Variants in EOGT observed in about 807,000 individuals in gnomAD.
EOGT encodes the protein EGF domain specific O-linked N-acetylglucosamine transferase.
A neutral mutation model predicts 70.5 loss-of-function variants in EOGT; 55 were observed. That is an observed-to-expected ratio of 0.78 (90% confidence interval 0.63 to 0.98). The LOEUF is 0.98. Ranked by LOEUF, EOGT falls within the 50% of genes least tolerant of loss-of-function variation. The probability of loss-of-function intolerance (pLI) is 0.00; values close to 1 mark genes in which losing one functional copy is unlikely to be tolerated. For missense variants in EOGT, 703 were observed against 641.9 expected (o/e 1.10, Z -1.03); for synonymous variants, 246 against 217.1 (o/e 1.13, Z -1.17).
At chr3:69,009,934 A>ACC in intron 3 of EOGT, 74 bp from the exon 4 acceptor site, 1 of 377,036 alleles carries the variant, frequency 2.7e-6, no homozygotes. Flanking sequence ...CAACAACAAC[A>ACC]AAAAAAAAAA....
chr3:69,007,964 G>A (rs1468990238), intron 5 of EOGT, 143 bp from the exon 6 acceptor site: 6 of 563,334 alleles, frequency 1.1e-5, no homozygotes, highest in East Asian at 3.2e-5. Flanking sequence ...CCAAAACTAC[G>A]CCTCACTACA....
Position 69,009,731 on chromosome 3 carries a change from C to T in EOGT, c.116G>A (p.Ser39Asn). 1 of 1,614,066 alleles carries T rather than the reference C, an allele frequency of 6.2e-7. No individual in the cohort carries two copies. Among genetic ancestry groups the T allele is most frequent in the Non-Finnish European group, 8.5e-7 (1 of 1,180,014 alleles). Residue 39 changes from serine to asparagine, a missense_variant, in exon 4 of 18, where the codon AGC (serine) becomes AAC (asparagine). Ser to Asn is a conservative substitution (Grantham distance 46). Coordinates refer to ENST00000383701, the MANE Select transcript of EOGT (RefSeq NM_001278689.2). ...IPGEPLYNYA[S>N]IRLPEEHIPF... ...AATGTGCTCCTCTGGCAAGCGGATG[C>T]TGGCATAGTTATACAGAGGTTCGCC...
At chr3:68,978,293 T>C (rs2090529013) in intron 17 of EOGT, 40 bp downstream of exon 17, 3 of 1,463,494 alleles carry the variant, frequency 2.0e-6, no homozygotes, top group Admixed American at 3.5e-5. Context: ...TTTAAACCAA[T>C]TAAAAATGAA....
intron 10 of EOGT, among the ~76,000 whole-genome samples, chr3:68,994,476 C>G (rs2091088999): frequency 6.6e-6 from 1 of 152,158 alleles, no homozygotes. Context: ...TCATTATAAT[C>G]AGGTATTACT....
rs34778421 is a variant in EOGT, at chr3:69,011,595, C to CAAAAA, written c.-15+336_-15+340dup. Among the ~76,000 whole-genome samples the CAAAAA allele has an allele frequency of 6.3e-5, 8 of 127,606 alleles. 1 individual carries two copies. The highest frequency in any genetic ancestry group is 2.7e-4 in the South Asian group (1 of 3,684). The allele number at this position is 127,606 out of a possible 152,430, so 83.7% of individuals were successfully genotyped here. The stretch of plus-strand genomic sequence containing the variant: ...GGGTAATGCGAGGGAGACTCTGTCT[C>CAAAAA]AAAAAAAAAAAAAAACAAAGAAAGA... On this transcript the variant is annotated intron_variant, in intron 3 of 17. Coordinates refer to ENST00000383701, the MANE Select transcript of EOGT (RefSeq NM_001278689.2).
intron 15 of EOGT, among the ~76,000 whole-genome samples, chr3:68,981,831 CTTT>C (rs566273792): frequency 2.8e-5 from 4 of 142,694 alleles, no homozygotes; most frequent in African/African-American, 8.8e-5. Context: ...ATTTTGATAA[CTTT>C]TTTGTTATCA....
In EOGT at chr3:68,977,084, C is replaced by T. The variant is rs2107106226; in HGVS notation, c.*534G>A. The stretch of plus-strand genomic sequence containing the variant: ...CTAAGGCACAAGAATCACTTGAATC[C>T]AGAAGGCAGAGGTTGCAGTGAGCTG... On this transcript the variant is annotated 3_prime_UTR_variant, in exon 18 of 18. Transcript: ENST00000383701. 1 of 153,264 alleles carries T rather than the reference C, an allele frequency of 6.5e-6. No individual in the cohort carries two copies. The highest frequency in any genetic ancestry group is 2.1e-4 in the South Asian group (1 of 4,874). The allele number at this position is 153,264 out of a possible 1,614,324, so 9.5% of individuals were successfully genotyped here.
chr3:68,980,404 T>C (rs1352711302), intron 15 of EOGT, among the ~76,000 whole-genome samples: 2 of 152,182 alleles, frequency 1.3e-5, no homozygotes, highest in African/African-American at 4.8e-5. Context: ...ATTTTATGCA[T>C]GTTAGGACTG....
intron 14 of EOGT, among the ~76,000 whole-genome samples, chr3:68,986,228 T>C (rs1353159862): frequency 6.6e-6 from 1 of 152,194 alleles, no homozygotes; most frequent in Non-Finnish European, 1.5e-5. Context: ...CTTCTTACTT[T>C]AAGGCCAGTT....
At chr3:68,996,580 A>T (rs1475339343) in intron 10 of EOGT, among the ~76,000 whole-genome samples, 1 of 152,210 alleles carries the variant, frequency 6.6e-6, no homozygotes, top group Non-Finnish European at 1.5e-5. Context: ...CAGCTGTGTC[A>T]GGAGATGTTG....
Position 68,979,759 on chromosome 3 carries a change from T to A in EOGT, c.1243A>T (p.Ile415Phe), listed in dbSNP as rs759479870. 1.2e-6 allele frequency: 2 copies of A among 1,613,636 alleles called. No homozygotes were observed. Among genetic ancestry groups the A allele is most frequent in the South Asian group, 1.1e-5 (1 of 91,056 alleles). ...ATAAATATGTCCGTGTTGTGTGTGA[T>A]CCTTAGTTGATCTAAAAACCCAAGT... ...RELGFLDQLR[I>F]THNTDIFIGM... The change falls in exon 16 of 18, where the codon ATC becomes TTC. Residue 415 changes from isoleucine (I) to phenylalanine (F), a missense_variant. Coordinates refer to ENST00000383701, the MANE Select transcript of EOGT (RefSeq NM_001278689.2).
intron 10 of EOGT, among the ~76,000 whole-genome samples, chr3:68,989,447 G>A (rs1188569397): frequency 6.6e-6 from 1 of 151,970 alleles, no homozygotes; most frequent in Non-Finnish European, 1.5e-5. Context: ...CAAGAAAATG[G>A]GTTCAAAGTT....
intron 10 of EOGT, among the ~76,000 whole-genome samples, chr3:68,992,287 C>A (rs1469738762): frequency 1.3e-5 from 2 of 152,186 alleles, no homozygotes. Context: ...CTAGTTCCTT[C>A]CTAGATACGA....
At chr3:68,980,356 C>G (rs979119436) in intron 15 of EOGT, among the ~76,000 whole-genome samples, 2 of 152,126 alleles carry the variant, frequency 1.3e-5, no homozygotes, top group Non-Finnish European at 2.9e-5. Context: ...CAGATACCAC[C>G]AGGGCATTAT....
chr3:69,006,437 GTGGT>G (rs1238449209), intron 6 of EOGT, among the ~76,000 whole-genome samples: 3 of 152,306 alleles, frequency 2.0e-5, no homozygotes, highest in African/African-American at 7.2e-5. Flanking sequence ...GTTCTCCAGT[GTGGT>G]TGGAGATCGG....
At chr3:68,994,890 G>A (rs1479299275) in intron 10 of EOGT, among the ~76,000 whole-genome samples, 1 of 152,208 alleles carries the variant, frequency 6.6e-6, no homozygotes, top group Non-Finnish European at 1.5e-5. Context: ...CATTCTGTTT[G>A]ATAAGAGCAA....
chr3:68,982,938 G>T, intron 14 of EOGT, 66 bp from the exon 15 acceptor site: 1 of 1,251,876 alleles, frequency 8.0e-7, no homozygotes, highest in Non-Finnish European at 1.1e-6. Flanking sequence ...TCCCTTATGA[G>T]TCCTAAAATT....
chr3:68,980,271 C>G (rs1404164765), intron 15 of EOGT, among the ~76,000 whole-genome samples: 4 of 152,178 alleles, frequency 2.6e-5, no homozygotes, highest in Non-Finnish European at 5.9e-5. Context: ...AATAGAAGCA[C>G]TTTTTAAAAA....
intron 6 of EOGT, 85 bp downstream of exon 6, chr3:69,007,628 G>C (rs761225669): frequency 6.0e-6 from 5 of 829,318 alleles, no homozygotes; most frequent in African/African-American, 1.8e-5. Context: ...CTCCAGCCAG[G>C]GCAATAGACA....
Sources: gnomAD v4.1 joint callset for allele counts (sites outside exome capture counted in the v4.1 genomes callset) on GRCh38, gnomAD v4.1.1 for gene constraint, MANE v1.5 for transcripts, NCBI Gene and HGNC (gene_info 2026-07-23, HGNC 2026-07-21) for gene names.